The following FNDC3A variants were observed in gnomAD, a reference collection of about 807,000 sequenced individuals.
FNDC3A encodes fibronectin type III domain containing 3A, also known as fibronectin type-III domain-containing protein 3A.
In FNDC3A, 32 loss-of-function variants were observed where a neutral mutation model predicts 148.9. The ratio of observed to expected loss-of-function variants is 0.21; its 90% CI spans 0.16 to 0.29. The LOEUF (loss-of-function observed/expected upper bound fraction) is 0.29. Ranked by LOEUF, FNDC3A falls within the 10% of genes least tolerant of loss-of-function variation. The probability of loss-of-function intolerance (pLI) is 1.00; values close to 1 mark genes in which losing one functional copy is unlikely to be tolerated. For missense variants in FNDC3A, 1,191 were observed against 1,452.8 expected (o/e 0.82, Z 2.93); for synonymous variants, 472 against 473.6 (o/e 1.00, Z 0.04).
intron 1 of FNDC3A, among the ~76,000 whole-genome samples, chr13:48,986,400 T>G (rs1007659728): frequency 8.2e-6 from 1 of 121,472 alleles, no homozygotes; most frequent in Non-Finnish European, 1.7e-5. Context: ...TTTTTTTTTT[T>G]TTTTTTTTTT....
intron 2 of FNDC3A, among the ~76,000 whole-genome samples, chr13:49,018,120 C>G (rs1393127669): frequency 1.3e-5 from 2 of 150,792 alleles, no homozygotes; most frequent in Non-Finnish European, 3.0e-5. Flanking sequence ...GTGGCGTTCT[C>G]TGTATTTCCT....
chr13:49,043,132 T>A (rs1012496761), intron 2 of FNDC3A, among the ~76,000 whole-genome samples: 5 of 151,572 alleles, frequency 3.3e-5, no homozygotes, highest in Non-Finnish European at 5.9e-5. Context: ...GTTTTTTTTT[T>A]TTTTTTAATA....
intron 3 of FNDC3A, among the ~76,000 whole-genome samples, chr13:49,104,854 A>G (rs1487095491): frequency 1.3e-5 from 2 of 152,208 alleles, no homozygotes; most frequent in African/African-American, 4.8e-5. Flanking sequence ...AAATAATAAT[A>G]AAGAGAGAGT....
intron 3 of FNDC3A, chr13:49,110,215 C>G (rs1451359490): frequency 1.7e-6 from 1 of 589,120 alleles, no homozygotes; most frequent in East Asian, 3.4e-5. Context: ...CTTTTTTTTC[C>G]CCCTTGCCCT....
At chr13:49,134,801 C>CT (rs528015993) in intron 5 of FNDC3A, among the ~76,000 whole-genome samples, 34 of 6,196 alleles carry the variant, frequency 5.5e-3, no homozygotes, top group African/African-American at 0.014. Flanking sequence ...TTTTCTTTTC[C>CT]TTTTTTTTTT....
intron 8 of FNDC3A, among the ~76,000 whole-genome samples, chr13:49,162,601 C>T (rs1011395296): frequency 1.3e-5 from 2 of 152,190 alleles, no homozygotes; most frequent in African/African-American, 4.8e-5. Flanking sequence ...TTTCTGAAGT[C>T]TACTTCTGTC....
chr13:49,187,107 T>G lies in FNDC3A; in HGVS notation c.1757-15T>G, dbSNP rs956298258. On this transcript the variant is annotated splice_polypyrimidine_tract_variant and intron_variant, in intron 15 of 25. Transcript: ENST00000492622. ...TTTTGTACCTTGCCTAATACTACTT[T>G]GCTTCTTTGGATAGATCCACCAAAA... The G allele has an allele frequency of 1.9e-6, 3 of 1,600,482 alleles. No homozygotes were observed. Among genetic ancestry groups the G allele is most frequent in the Non-Finnish European group, 2.6e-6 (3 of 1,169,804 alleles).
At chr13:49,185,853 A>AATTTTATTTTTTTTATTT in intron 14 of FNDC3A, 111 bp from the exon 15 acceptor site, 1 of 802,890 alleles carries the variant, frequency 1.2e-6, no homozygotes, top group Non-Finnish European at 2.0e-6. Flanking sequence ...AGCTAAAAAA[A>AATTTTATTTTTTTTATTT]ATGTATTTTA....
chr13:49,082,086 T>C (rs983963173), intron 3 of FNDC3A, among the ~76,000 whole-genome samples: 1 of 151,556 alleles, frequency 6.6e-6, no homozygotes, highest in Non-Finnish European at 1.5e-5. Flanking sequence ...AAATGATAGG[T>C]CAAAAACAGT....
At chr13:49,057,822 A>T (rs1240829371) in intron 2 of FNDC3A, among the ~76,000 whole-genome samples, 1 of 152,164 alleles carries the variant, frequency 6.6e-6, no homozygotes, top group Non-Finnish European at 1.5e-5. Context: ...GTTAACTAGC[A>T]CACTTTCTGA....
chr13:49,021,973 G>A (rs372139904), intron 2 of FNDC3A, among the ~76,000 whole-genome samples: 1 of 152,088 alleles, frequency 6.6e-6, no homozygotes, highest in East Asian at 1.9e-4. Context: ...TTCATCATAT[G>A]ACTGTATATA....
intron 2 of FNDC3A, among the ~76,000 whole-genome samples, chr13:49,058,839 C>G (rs1876446167): frequency 6.6e-6 from 1 of 152,160 alleles, no homozygotes; most frequent in Non-Finnish European, 1.5e-5. Context: ...ATATTTATTT[C>G]ACACCATTCA....
In FNDC3A at chr13:49,163,854, T is replaced by TA. The variant is rs1278713210; in HGVS notation, c.978-3389dup. ...GTATTCCTGTCATTTTATTAATTGA[T>TA]ATCTGGTTGTTTTTATGTTCTTTGT... On this transcript the variant is annotated intron_variant, in intron 8 of 25. Coordinates refer to ENST00000492622, the MANE Select transcript of FNDC3A (RefSeq NM_001079673.2). Among the ~76,000 whole-genome samples, 20 of 152,236 alleles carry TA rather than the reference T, an allele frequency of 1.3e-4. 1 individual carries two copies. Among genetic ancestry groups the TA allele is most frequent in the Admixed American group, 1.3e-3 (20 of 15,292 alleles).
At chr13:48,975,843 G>C (rs1474705644), upstream of FNDC3A, 3 of 151,484 alleles carry the variant, frequency 2.0e-5, no homozygotes, top group African/African-American at 7.3e-5. Context: ...GGGGGTTCGG[G>C]GTCCCGGCCG....
At chr13:49,049,762 C>T (rs888666765) in intron 2 of FNDC3A, among the ~76,000 whole-genome samples, 16 of 151,916 alleles carry the variant, frequency 1.1e-4, no homozygotes, top group Non-Finnish European at 2.2e-4. Flanking sequence ...CTCTGTTGCT[C>T]AGGTTGGAGT....
intron 8 of FNDC3A, among the ~76,000 whole-genome samples, chr13:49,166,944 T>C (rs1003132100): frequency 2.6e-5 from 4 of 152,044 alleles, no homozygotes; most frequent in African/African-American, 7.2e-5. Context: ...TAATTGATAA[T>C]AGTTTTGTTT....
intron 2 of FNDC3A, among the ~76,000 whole-genome samples, chr13:49,023,667 C>A (rs1252915923): frequency 6.6e-6 from 1 of 151,864 alleles, no homozygotes; most frequent in Non-Finnish European, 1.5e-5. Context: ...GCCCCAGAAT[C>A]CTGTAGAAAT....
intron 2 of FNDC3A, among the ~76,000 whole-genome samples, chr13:49,051,898 A>AT (rs1469140637): frequency 6.6e-6 from 1 of 151,762 alleles, no homozygotes; most frequent in African/African-American, 2.4e-5. Flanking sequence ...TCTTTGATGG[A>AT]TTGGGTTAAT....
Position 49,203,150 on chromosome 13 carries a change from C to T in FNDC3A, c.3155-7C>T, listed in dbSNP as rs748368148. The T allele has an allele frequency of 1.3e-6, 2 of 1,580,484 alleles. No homozygotes were observed. Among genetic ancestry groups the T allele is most frequent in the Non-Finnish European group, 1.7e-6 (2 of 1,158,520 alleles). On this transcript the variant is annotated splice_polypyrimidine_tract_variant and splice_region_variant and intron_variant, in intron 24 of 25. Coordinates refer to ENST00000492622, the MANE Select transcript of FNDC3A (RefSeq NM_001079673.2). ...GAACAGATATTATTTATATTTGTTT[C>T]CTACAGCCCCCAAAATAGAGAAAGT...
Sources: allele counts gnomAD v4.1 joint callset (sites outside exome capture counted in the v4.1 genomes callset), GRCh38; gene constraint gnomAD v4.1.1; transcripts MANE v1.5; gene names NCBI Gene and HGNC (gene_info 2026-07-23, HGNC 2026-07-21).